NSMCE2: variants seen among roughly 807,000 people sequenced by gnomAD.
NSMCE2 encodes NSE2 SUMO ligase component of SMC5/6 complex.
NSMCE2 carries 24 observed loss-of-function variants against 23.8 expected under a neutral mutation model. The ratio of observed to expected loss-of-function variants is 1.01; its 90% CI spans 0.73 to 1.42. The LOEUF is 1.42. Among genes scored for constraint, NSMCE2 ranks in the 40% most tolerant of loss-of-function variants. The pLI is 0.00. For missense variants in NSMCE2, 284 were observed against 296.5 expected, an observed-to-expected ratio of 0.96 and a Z score of 0.31; for synonymous variants, 92 against 94.1, an observed-to-expected ratio of 0.98 and a Z score of 0.13.
intron 5 of NSMCE2, among the ~76,000 whole-genome samples, chr8:125,350,135 G>C (rs930751726): frequency 1.3e-5 from 2 of 152,174 alleles, no homozygotes; most frequent in African/African-American, 4.8e-5. Context: ...AATGAAGGCC[G>C]TGCTTTCCTG....
chr8:125,134,675 A>G (rs1819967985), intron 3 of NSMCE2, among the ~76,000 whole-genome samples: 1 of 146,800 alleles, frequency 6.8e-6, no homozygotes, highest in Admixed American at 6.8e-5. Flanking sequence ...TATCAGATAT[A>G]TGATTTGTGA....
chr8:125,217,288 A>G (rs144106234), intron 5 of NSMCE2, among the ~76,000 whole-genome samples: 2 of 152,246 alleles, frequency 1.3e-5, no homozygotes, highest in Non-Finnish European at 2.9e-5. Flanking sequence ...AGGGAGTCCT[A>G]GAGGTCTAGA....
rs565593006 is a variant in NSMCE2 at position 125,170,376 on chromosome 8, C to CTTTTTTTTTTTTTTTTT, written c.265-11704_265-11688dup. Reference sequence around the variant, plus strand: ...CATCAATAAACCTTACTCTTTATTTCTTTTTTTTTTTTTTTTTTTTTTTTT... The same window carrying CTTTTTTTTTTTTTTTTT: ...CATCAATAAACCTTACTCTTTATTTCTTTTTTTTTTTTTTTTTTTTTTTTTTTTTTTTTTTTTTTTTT... On this transcript the variant is annotated intron_variant, in intron 4 of 7. Transcript: ENST00000287437. 2.1e-4 allele frequency among the ~76,000 whole-genome samples: 8 copies of CTTTTTTTTTTTTTTTTT among 37,864 alleles called. 3 individuals are homozygous for CTTTTTTTTTTTTTTTTT. The highest frequency in any genetic ancestry group is 2.8e-3 in the South Asian group (2 of 706). 24.8% of individuals were successfully genotyped at this position (37,864 alleles called of 152,430 possible).
chr8:125,276,484 G>C (rs1369106577), intron 5 of NSMCE2, among the ~76,000 whole-genome samples: 1 of 151,228 alleles, frequency 6.6e-6, no homozygotes, highest in Non-Finnish European at 1.5e-5. Context: ...TTTTCTACTT[G>C]GCCTACCTTC....
chr8:125,120,839 G>A (rs374557893), intron 3 of NSMCE2, among the ~76,000 whole-genome samples: 1 of 152,160 alleles, frequency 6.6e-6, no homozygotes, highest in Non-Finnish European at 1.5e-5. Context: ...CGCAAGAGGC[G>A]CATTCCTTGC....
chr8:125,268,887 G>A (rs1429655781), intron 5 of NSMCE2, among the ~76,000 whole-genome samples: 4 of 152,154 alleles, frequency 2.6e-5, no homozygotes, highest in African/African-American at 9.7e-5. Context: ...AATACAAATT[G>A]AGATCTTGGA....
At chr8:125,158,971 G>T (rs559947622) in intron 4 of NSMCE2, among the ~76,000 whole-genome samples, 1 of 152,152 alleles carries the variant, frequency 6.6e-6, no homozygotes, top group East Asian at 1.9e-4. Context: ...GTTATCTGTG[G>T]CCATCTCTGG....
chr8:125,116,777 T>A (rs1819025024), intron 3 of NSMCE2, among the ~76,000 whole-genome samples: 1 of 152,220 alleles, frequency 6.6e-6, no homozygotes, highest in Non-Finnish European at 1.5e-5. Context: ...GTGATATGTT[T>A]GCAGTTTGAG....
At chr8:125,181,218 A>G (rs1277778977) in intron 4 of NSMCE2, among the ~76,000 whole-genome samples, 1 of 152,060 alleles carries the variant, frequency 6.6e-6, no homozygotes, top group African/African-American at 2.4e-5. Context: ...GAGGTGGAAT[A>G]TGAACAGAAA....
intron 5 of NSMCE2, among the ~76,000 whole-genome samples, chr8:125,264,523 CG>C (rs915288670): frequency 4.7e-4 from 72 of 152,300 alleles, no homozygotes; most frequent in African/African-American, 1.7e-3. Context: ...TCTCATTCCT[CG>C]GCCTCCTGAG....
chr8:125,239,672 AT>A (rs1263207454), intron 5 of NSMCE2, among the ~76,000 whole-genome samples: 1 of 152,076 alleles, frequency 6.6e-6, no homozygotes, highest in Non-Finnish European at 1.5e-5. Context: ...GATACAAAAA[AT>A]TACAAATTTA....
chr8:125,332,723 T>C (rs888133417), intron 5 of NSMCE2, among the ~76,000 whole-genome samples: 2 of 152,180 alleles, frequency 1.3e-5, no homozygotes, highest in Non-Finnish European at 2.9e-5. Flanking sequence ...CCCTATCCCC[T>C]TCAGGGTTCC....
chr8:125,099,062 C>G (rs1009189528), intron 1 of NSMCE2, among the ~76,000 whole-genome samples: 1 of 152,098 alleles, frequency 6.6e-6, no homozygotes, highest in African/African-American at 2.4e-5. Flanking sequence ...TGAATGGCCA[C>G]TAATGTGCCA....
chr8:125,234,539 A>T (rs1246342543), intron 5 of NSMCE2, among the ~76,000 whole-genome samples: 2 of 152,192 alleles, frequency 1.3e-5, no homozygotes, highest in African/African-American at 4.8e-5. Flanking sequence ...TATTATAATA[A>T]CTTAATAAAA....
intron 5 of NSMCE2, among the ~76,000 whole-genome samples, chr8:125,189,533 A>G (rs1193773703): frequency 1.3e-5 from 2 of 152,254 alleles, no homozygotes; most frequent in African/African-American, 4.8e-5. Flanking sequence ...AGGAGGCTTT[A>G]GAGTAAGGAA....
intron 5 of NSMCE2, among the ~76,000 whole-genome samples, chr8:125,194,581 T>C (rs1307664227): frequency 2.6e-5 from 4 of 152,196 alleles, no homozygotes; most frequent in Admixed American, 1.3e-4. Flanking sequence ...TATGTGAATA[T>C]GTCTTAATTT....
At chr8:125,133,206 A>G (rs1284246955) in intron 3 of NSMCE2, among the ~76,000 whole-genome samples, 1 of 152,240 alleles carries the variant, frequency 6.6e-6, no homozygotes, top group African/African-American at 2.4e-5. Context: ...AAATCTAGTA[A>G]ATTTAGAAGG....
intron 5 of NSMCE2, among the ~76,000 whole-genome samples, chr8:125,247,282 G>T (rs554358190): frequency 6.6e-6 from 1 of 151,956 alleles, no homozygotes; most frequent in Non-Finnish European, 1.5e-5. Context: ...GCAGTGAGCC[G>T]TGTTCATGCC....
chr8:125,318,840 C>A (rs568980563), intron 5 of NSMCE2, among the ~76,000 whole-genome samples: 64 of 152,228 alleles, frequency 4.2e-4, no homozygotes, highest in African/African-American at 1.4e-3. Flanking sequence ...GAAGGGGAAC[C>A]TAGGCAGATC....
Sources: allele counts gnomAD v4.1 joint callset (sites outside exome capture counted in the v4.1 genomes callset), GRCh38; gene constraint gnomAD v4.1.1; transcripts MANE v1.5; gene names NCBI Gene and HGNC (gene_info 2026-07-23, HGNC 2026-07-21).